The following LAMA1 variants were observed in gnomAD, a reference collection of about 807,000 sequenced individuals.
LAMA1 encodes the protein laminin subunit alpha-1.
In LAMA1, 219 loss-of-function variants were observed where a neutral mutation model predicts 348.7. The observed-to-expected ratio is 0.63, with a 90% CI of 0.56 to 0.70. The LOEUF (loss-of-function observed/expected upper bound fraction) is 0.70. Ranked by LOEUF, LAMA1 falls within the 30% of genes least tolerant of loss-of-function variation. The pLI is 0.00. For synonymous variants in LAMA1, 1,487 were observed against 1,491.0 expected, an observed-to-expected ratio of 1.00 and a Z score of 0.06; for missense variants, 3,744 against 3,888.0, an observed-to-expected ratio of 0.96 and a Z score of 0.99.
At chr18:7,063,012 A>C (rs1051936536) in intron 3 of LAMA1, among the ~76,000 whole-genome samples, 1 of 152,222 alleles carries the variant, frequency 6.6e-6, no homozygotes, top group Non-Finnish European at 1.5e-5. Context: ...CCAACAGGTG[A>C]TACTGCCCAG....
chr18:7,043,203 G>A, intron 8 of LAMA1, 24 bp downstream of exon 8: 1 of 1,612,266 alleles, frequency 6.2e-7, no homozygotes, highest in South Asian at 1.1e-5. Flanking sequence ...ATGAAGATCA[G>A]CAATGGCAAA....
chr18:7,100,775 C>T (rs1420589251), intron 1 of LAMA1, among the ~76,000 whole-genome samples: 3 of 152,004 alleles, frequency 2.0e-5, no homozygotes, highest in Admixed American at 1.3e-4. Flanking sequence ...TTTGGGGGGC[C>T]GAGACTGGCA....
chr18:7,074,967 CAAAAAAAAAAAAAA>C lies in LAMA1; in HGVS notation c.345+4994_345+5007del, dbSNP rs773818069. ...GATAACCAAACCTAATACATAGAGG[CAAAAAAAAAAAAAA>C]AAAAAAAAAAAAAAAAAAAAAAATG... On this transcript the variant is annotated intron_variant, in intron 3 of 62. Transcript: ENST00000389658. Among the ~76,000 whole-genome samples, 476 of 52,212 alleles carry C rather than the reference CAAAAAAAAAAAAAA, an allele frequency of 9.1e-3. 2 individuals carry two copies. Among genetic ancestry groups the C allele is most frequent in the African/African-American group, 0.033 (337 of 10,324 alleles). The allele number at this position is 52,212 out of a possible 152,430, so 34.3% of individuals were successfully genotyped here.
intron 1 of LAMA1, among the ~76,000 whole-genome samples, chr18:7,108,456 T>C (rs896273789): frequency 6.7e-6 from 1 of 148,206 alleles, no homozygotes; most frequent in African/African-American, 2.5e-5. Context: ...AGGTCAGGAG[T>C]TCAAGACCAG....
chr18:7,082,525 A>C (rs988823980), intron 1 of LAMA1, among the ~76,000 whole-genome samples: 1 of 152,176 alleles, frequency 6.6e-6, no homozygotes, highest in African/African-American at 2.4e-5. Context: ...ATACATTCTT[A>C]TGTGTGGTAC....
intron 26 of LAMA1, 124 bp downstream of exon 26, chr18:7,010,076 G>T: frequency 9.3e-7 from 1 of 1,080,006 alleles, no homozygotes; most frequent in Non-Finnish European, 1.4e-6. Context: ...CAAAGTGGTG[G>T]GATTACAGGT....
chr18:7,002,091 A>G (rs2057810125), intron 30 of LAMA1, among the ~76,000 whole-genome samples, 173 bp downstream of exon 30: 1 of 152,252 alleles, frequency 6.6e-6, no homozygotes, highest in Non-Finnish European at 1.5e-5. Context: ...TTGCTTTTGA[A>G]AAGATTCTCT....
intron 1 of LAMA1, among the ~76,000 whole-genome samples, chr18:7,106,201 G>A (rs2058311139): frequency 6.6e-6 from 1 of 152,158 alleles, no homozygotes; most frequent in Non-Finnish European, 1.5e-5. Context: ...CGGTGGGCAG[G>A]ACGGGATCAA....
At chr18:7,006,558 T>C (rs1436708405) in intron 29 of LAMA1, among the ~76,000 whole-genome samples, 1 of 152,186 alleles carries the variant, frequency 6.6e-6, no homozygotes, top group Admixed American at 6.5e-5. Context: ...CAGTCATCCA[T>C]CACTTAAAGA....
chr18:6,981,316 G>T (rs2057710860), intron 41 of LAMA1, among the ~76,000 whole-genome samples: 1 of 152,022 alleles, frequency 6.6e-6, no homozygotes, highest in Non-Finnish European at 1.5e-5. Flanking sequence ...TTTCTCCTCT[G>T]GGTTGTAAAA....
chr18:6,957,997 G>C (rs927979495), intron 55 of LAMA1, among the ~76,000 whole-genome samples: 1 of 152,080 alleles, frequency 6.6e-6, no homozygotes, highest in African/African-American at 2.4e-5. Context: ...GGCCAGGCTG[G>C]TCTCAAACTC....
At chr18:7,055,943 G>T (rs184588090) in intron 3 of LAMA1, among the ~76,000 whole-genome samples, 2,491 of 152,070 alleles carry the variant, frequency 0.016, 63 homozygotes, top group African/African-American at 0.057. Flanking sequence ...AGCTGGGCGT[G>T]GTGGCGGACG....
intron 16 of LAMA1, among the ~76,000 whole-genome samples, chr18:7,031,029 A>G (rs929832567): frequency 6.6e-6 from 1 of 152,170 alleles, no homozygotes; most frequent in African/African-American, 2.4e-5. Context: ...TTACAGAACA[A>G]AGGGCAAAAC....
intron 19 of LAMA1, among the ~76,000 whole-genome samples, chr18:7,021,607 A>G (rs531390873): frequency 6.6e-6 from 1 of 151,870 alleles, no homozygotes; most frequent in South Asian, 2.1e-4. Flanking sequence ...AATATTGCTT[A>G]ATACTTTTAA....
chr18:6,953,222 A>G (rs67448628), intron 57 of LAMA1, among the ~76,000 whole-genome samples: 55,976 of 144,906 alleles, frequency 0.39, 11,827 homozygotes, highest in East Asian at 0.64. Context: ...GCGGATCCAC[A>G]CCATAGGAGC....
intron 24 of LAMA1, among the ~76,000 whole-genome samples, chr18:7,011,688 C>T (rs992439628): frequency 1.1e-4 from 17 of 152,128 alleles, no homozygotes; most frequent in African/African-American, 4.1e-4. Flanking sequence ...ACTGTTGCTA[C>T]GCTGGGGAAA....
intron 4 of LAMA1, 92 bp from the exon 5 acceptor site, chr18:7,049,349 G>T (rs2058054168): frequency 8.6e-7 from 1 of 1,156,516 alleles, no homozygotes; most frequent in Admixed American, 1.8e-5. Flanking sequence ...GTCCAGGCTG[G>T]AGTGCAGTGG....
Position 6,980,644 on chromosome 18 carries a change from A to C in LAMA1, c.5891-7T>G. The C allele has an allele frequency of 1.9e-6, 3 of 1,547,178 alleles. No homozygotes were observed. Among genetic ancestry groups the C allele is most frequent in the Non-Finnish European group, 2.7e-6 (3 of 1,120,302 alleles). On this transcript the variant is annotated splice_region_variant and splice_polypyrimidine_tract_variant and intron_variant, in intron 41 of 62. Transcript: ENST00000389658. ...CTCAGTTCCAATGCAATACCTATTT[A>C]AAGGGAGAAAAATGTTTCCTTTCAG...
chr18:7,111,467 T>C (rs755871915), intron 1 of LAMA1, among the ~76,000 whole-genome samples: 6 of 152,204 alleles, frequency 3.9e-5, no homozygotes, highest in Non-Finnish European at 8.8e-5. Flanking sequence ...AGTGGGAAGA[T>C]TCTGTGCTAT....
Sources: allele counts gnomAD v4.1 joint callset (sites outside exome capture counted in the v4.1 genomes callset), GRCh38; gene constraint gnomAD v4.1.1; transcripts MANE v1.5; gene names NCBI Gene and HGNC (gene_info 2026-07-23, HGNC 2026-07-21).